Variants in WWOX observed in about 807,000 individuals in gnomAD.
WWOX encodes the protein WW domain-containing oxidoreductase.
A neutral mutation model predicts 46.2 loss-of-function variants in WWOX; 69 were observed. The observed-to-expected ratio is 1.49, with a 90% confidence interval of 1.23 to 1.82. The LOEUF (loss-of-function observed/expected upper bound fraction) is 1.82. WWOX is among the 40% of genes most tolerant of loss of function. The pLI, the probability that WWOX is intolerant of heterozygous loss-of-function variation, is 0.00. For synonymous variants in WWOX, 359 were observed against 202.6 expected (o/e 1.77, Z -6.56); for missense variants, 919 against 542.6 (o/e 1.69, Z -6.89).
chr16:78,797,526 G>A (rs1371554056), intron 8 of WWOX, among the ~76,000 whole-genome samples: 1 of 152,160 alleles, frequency 6.6e-6, no homozygotes, highest in Non-Finnish European at 1.5e-5. Context: ...TGCCAGCCAG[G>A]ATTGAGGCAC....
intron 5 of WWOX, among the ~76,000 whole-genome samples, chr16:78,189,660 C>G (rs893439222): frequency 5.3e-5 from 8 of 151,954 alleles, no homozygotes; most frequent in Non-Finnish European, 1.2e-4. Context: ...AATTAATTAA[C>G]TTATTTATTT....
chr16:79,128,885 G>C (rs1294031556), intron 8 of WWOX, among the ~76,000 whole-genome samples: 1 of 152,168 alleles, frequency 6.6e-6, no homozygotes, highest in Non-Finnish European at 1.5e-5. Context: ...AGTAAGGCCT[G>C]ACTGGTGTCA....
chr16:78,661,212 G>A (rs1288670364), intron 8 of WWOX, among the ~76,000 whole-genome samples: 1 of 152,142 alleles, frequency 6.6e-6, no homozygotes, highest in Non-Finnish European at 1.5e-5. Context: ...CCATTCACAC[G>A]TGAGAATGCC....
chr16:78,914,222 G>A (rs549068877), intron 8 of WWOX, among the ~76,000 whole-genome samples: 1 of 151,912 alleles, frequency 6.6e-6, no homozygotes. Flanking sequence ...GATATTTTCT[G>A]TCTATCCATC....
chr16:78,547,784 C>T lies in WWOX; in HGVS notation c.1056+115032C>T, dbSNP rs1006312929. 4.1e-4 allele frequency among the ~76,000 whole-genome samples: 62 copies of T among 152,046 alleles called. 1 individual carries two copies. The highest frequency in any genetic ancestry group is 1.4e-3 in the African/African-American group (58 of 41,406). On this transcript the variant is annotated intron_variant, in intron 8 of 8. Coordinates refer to ENST00000566780, the MANE Select transcript of WWOX (RefSeq NM_016373.4). ...GCCTCTTTTAAGCCCTTAACCCATTCATGAAGGCTTTGCCTCAATGACCTA... is the reference window on the plus strand; with the variant it reads ...GCCTCTTTTAAGCCCTTAACCCATTTATGAAGGCTTTGCCTCAATGACCTA...
chr16:78,359,233 A>C (rs1431335605), intron 5 of WWOX, among the ~76,000 whole-genome samples: 2 of 152,190 alleles, frequency 1.3e-5, no homozygotes, highest in African/African-American at 2.4e-5. Flanking sequence ...CTCTGATAAC[A>C]CAAAGAAGGC....
intron 8 of WWOX, among the ~76,000 whole-genome samples, chr16:78,846,064 A>G (rs531613923): frequency 1.3e-5 from 2 of 152,282 alleles, no homozygotes; most frequent in South Asian, 2.1e-4. Flanking sequence ...ATCTGGCACA[A>G]GTGGATTTGA....
At chr16:78,195,747 T>A (rs927076261) in intron 5 of WWOX, among the ~76,000 whole-genome samples, 1 of 140,956 alleles carries the variant, frequency 7.1e-6, no homozygotes, top group African/African-American at 2.7e-5. Flanking sequence ...GCTTGAACTC[T>A]GGAGACAGAG....
chr16:78,632,923 A>G (rs532469565), intron 8 of WWOX, among the ~76,000 whole-genome samples: 5 of 152,166 alleles, frequency 3.3e-5, no homozygotes, highest in Non-Finnish European at 5.9e-5. Context: ...AGGTAGGGCC[A>G]TGTTGGAGAG....
At chr16:78,186,461 CT>C (rs1322121693) in intron 5 of WWOX, among the ~76,000 whole-genome samples, 2 of 152,128 alleles carry the variant, frequency 1.3e-5, no homozygotes, top group Non-Finnish European at 2.9e-5. Context: ...TTACATTCGT[CT>C]TTTAAAAAGC....
At chr16:78,900,754 G>A (rs578015107) in intron 8 of WWOX, among the ~76,000 whole-genome samples, 1 of 151,004 alleles carries the variant, frequency 6.6e-6, no homozygotes, top group East Asian at 1.9e-4. Flanking sequence ...CCACTTTCAA[G>A]AATATTCATA....
chr16:78,877,080 G>A (rs963392581), intron 8 of WWOX, among the ~76,000 whole-genome samples: 2 of 152,094 alleles, frequency 1.3e-5, no homozygotes, highest in African/African-American at 4.8e-5. Context: ...TACAAGCCCT[G>A]CCAGGTCAGT....
At chr16:78,455,872 AAACT>A (rs1318750275) in intron 8 of WWOX, among the ~76,000 whole-genome samples, 2 of 152,110 alleles carry the variant, frequency 1.3e-5, no homozygotes, top group South Asian at 2.1e-4. Flanking sequence ...GAGATTTAAA[AAACT>A]AACTTTTATT....
At chr16:79,063,573 A>G (rs986320502) in intron 8 of WWOX, among the ~76,000 whole-genome samples, 8 of 152,326 alleles carry the variant, frequency 5.3e-5, no homozygotes, top group African/African-American at 1.7e-4. Flanking sequence ...GGAGAATTCC[A>G]GGAGCGGATT....
chr16:78,269,361 A>G (rs2079429382), intron 5 of WWOX, among the ~76,000 whole-genome samples: 1 of 152,180 alleles, frequency 6.6e-6, no homozygotes, highest in African/African-American at 2.4e-5. Context: ...AAGGGACGCA[A>G]AAGCTAGTCT....
chr16:78,424,304 G>A (rs1465078256), intron 6 of WWOX, among the ~76,000 whole-genome samples: 1 of 151,916 alleles, frequency 6.6e-6, no homozygotes, highest in East Asian at 1.9e-4. Context: ...TGTTTTGACA[G>A]AGATGGGGTT....
At chr16:78,149,929 T>C (rs1311376436) in intron 4 of WWOX, among the ~76,000 whole-genome samples, 1 of 151,786 alleles carries the variant, frequency 6.6e-6, no homozygotes, top group Non-Finnish European at 1.5e-5. Flanking sequence ...ATGTGTGGAG[T>C]GTTCCCTCCT....
intron 5 of WWOX, among the ~76,000 whole-genome samples, chr16:78,299,954 A>G (rs1315137221): frequency 1.3e-5 from 2 of 152,172 alleles, no homozygotes; most frequent in African/African-American, 4.8e-5. Context: ...GCCGAGTCCA[A>G]GAGATTGTGA....
At chr16:79,167,894 G>GC (rs1397977282) in intron 8 of WWOX, among the ~76,000 whole-genome samples, 3 of 152,050 alleles carry the variant, frequency 2.0e-5, no homozygotes, top group Admixed American at 2.0e-4. Flanking sequence ...AGTCATCACT[G>GC]CCCCATTCCC....
Sources: gnomAD v4.1 joint callset for allele counts (sites outside exome capture counted in the v4.1 genomes callset) on GRCh38, gnomAD v4.1.1 for gene constraint, MANE v1.5 for transcripts, NCBI Gene and HGNC (gene_info 2026-07-23, HGNC 2026-07-21) for gene names.